GMEB2: variants seen among roughly 807,000 people sequenced by gnomAD.
GMEB2 encodes glucocorticoid modulatory element binding protein 2, also known as glucocorticoid modulatory element-binding protein 2.
GMEB2 carries 7 observed loss-of-function variants against 45.7 expected under a neutral mutation model. That is an observed-to-expected ratio of 0.15 (90% CI 0.09 to 0.29). The LOEUF is 0.29. Ranked by LOEUF, GMEB2 falls within the 10% of genes least tolerant of loss-of-function variation. The pLI, the probability that GMEB2 is intolerant of heterozygous loss-of-function variation, is 1.00. For synonymous variants in GMEB2, 322 were observed against 323.6 expected, an observed-to-expected ratio of 1.00 and a Z score of 0.05; for missense variants, 582 against 739.2, an observed-to-expected ratio of 0.79 and a Z score of 2.47.
intron 9 of GMEB2, 143 bp downstream of exon 9, chr20:63,591,879 G>A (rs953699079): frequency 1.6e-6 from 1 of 631,954 alleles, no homozygotes; most frequent in Non-Finnish European, 2.7e-6. Context: ...TGTTTTCCTC[G>A]CACAACAGCA....
chr20:63,596,038 C>CGTCAGAGTCTG (rs2083197821), intron 5 of GMEB2, among the ~76,000 whole-genome samples: 1 of 152,222 alleles, frequency 6.6e-6, no homozygotes, highest in African/African-American at 2.4e-5. Flanking sequence ...TGGAGGTGCC[C>CGTCAGAGTCTG]GTCAGAGTCT....
In GMEB2 at chr20:63,590,332, G is replaced by A. The variant is rs769649568; in HGVS notation, c.1350C>T (p.Asp450=). ...TGCTCAGGACCGTGAGGCTGGACGC[G>A]TCCGGGTGGATCTCCACTGTGCTGG... is the stretch of plus-strand genomic sequence containing the variant. ...TYPSTVEIHP[D]ASSLTVLSTA... The change falls in exon 10 of 10, where the codon GAC becomes GAT. Residue 450 remains aspartate, a synonymous_variant. Coordinates refer to ENST00000370077, the MANE Select transcript of GMEB2 (RefSeq NM_012384.5). 20 of 1,612,058 alleles carry A rather than the reference G, an allele frequency of 1.2e-5. No individual in the cohort carries two copies. The African/African-American group carries it at 1.5e-4, about 12-fold the overall frequency.
In GMEB2 at chr20:63,592,754, G is replaced by T; in HGVS notation, c.692-84C>A. The stretch of plus-strand genomic sequence containing the variant: ...CCACAGCCACAAGGACATCACCATA[G>T]CCACGAGGACACCATGCCAGAGCCG... On this transcript the variant is annotated intron_variant, in intron 7 of 9. Coordinates refer to ENST00000370077, the MANE Select transcript of GMEB2 (RefSeq NM_012384.5). This position sits in a 1 kb window ranked among gnomAD's most constrained non-coding sequence, Gnocchi z 8.2. 8.8e-7 allele frequency: 1 copy of T among 1,139,780 alleles called. No individual in the cohort carries two copies. The highest frequency in any genetic ancestry group is 1.7e-5 in the Admixed American group (1 of 58,256). 70.6% of individuals were successfully genotyped at this position (1,139,780 alleles called of 1,614,324 possible). A position where few individuals can be genotyped will look rare whatever the true frequency, so the allele number is the denominator to read the frequency against.
chr20:63,624,131 A>C (rs944265499), intron 1 of GMEB2, among the ~76,000 whole-genome samples: 2 of 123,100 alleles, frequency 1.6e-5, no homozygotes, highest in Non-Finnish European at 3.4e-5. Context: ...AAATTCAAAA[A>C]TTTGGCCAGG....
chr20:63,614,174 T>C (rs1425164136), intron 2 of GMEB2, among the ~76,000 whole-genome samples: 1 of 152,150 alleles, frequency 6.6e-6, no homozygotes, highest in East Asian at 1.9e-4. Context: ...ATATAGATCA[T>C]AAATATGATT....
intron 4 of GMEB2, among the ~76,000 whole-genome samples, chr20:63,602,658 C>T (rs2083250063): frequency 6.6e-6 from 1 of 152,172 alleles, no homozygotes; most frequent in Non-Finnish European, 1.5e-5. Flanking sequence ...AAGACCTTTC[C>T]CACTCATCCT....
At chr20:63,609,140 CCA>C (rs1162723504) in intron 2 of GMEB2, among the ~76,000 whole-genome samples, 2 of 47,240 alleles carry the variant, frequency 4.2e-5, no homozygotes. Context: ...CCCTCTGACC[CCA>C]CACATCCATT....
intron 5 of GMEB2, among the ~76,000 whole-genome samples, chr20:63,596,224 G>C (rs901641783): frequency 3.3e-5 from 5 of 152,256 alleles, no homozygotes; most frequent in African/African-American, 9.6e-5. Context: ...AGACAGCCAA[G>C]AAGAGTGATG....
chr20:63,598,968 TCTTTC>T (rs1431000947), intron 4 of GMEB2, among the ~76,000 whole-genome samples: 1 of 152,174 alleles, frequency 6.6e-6, no homozygotes, highest in Non-Finnish European at 1.5e-5. Context: ...TAGGCCTGCC[TCTTTC>T]CTTTCTTGCT....
intron 2 of GMEB2, among the ~76,000 whole-genome samples, chr20:63,611,855 G>A (rs2089573103): frequency 6.6e-6 from 1 of 152,148 alleles, no homozygotes; most frequent in South Asian, 2.1e-4. Context: ...CCATTAGCCA[G>A]GCGTGGTGGC....
chr20:63,596,400 A>G (rs2083201256), intron 5 of GMEB2, among the ~76,000 whole-genome samples: 1 of 152,206 alleles, frequency 6.6e-6, no homozygotes, highest in Admixed American at 6.5e-5. Flanking sequence ...GCCTGCCTCG[A>G]CCCATGAAAC....
intron 2 of GMEB2, among the ~76,000 whole-genome samples, chr20:63,614,588 C>T (rs935048012): frequency 8.3e-4 from 126 of 152,316 alleles, no homozygotes; most frequent in Admixed American, 1.4e-3. Context: ...GGCCTGACAT[C>T]AGTCAGGCCC....
intron 3 of GMEB2, among the ~76,000 whole-genome samples, chr20:63,604,167 A>G (rs2089499832): frequency 6.8e-6 from 1 of 147,804 alleles, no homozygotes; most frequent in Admixed American, 6.8e-5. Context: ...GGAGTTCGAG[A>G]CCAGCCTGGG....
At chr20:63,612,580 T>C (rs1039769711) in intron 2 of GMEB2, among the ~76,000 whole-genome samples, 1 of 152,212 alleles carries the variant, frequency 6.6e-6, no homozygotes, top group Non-Finnish European at 1.5e-5. Flanking sequence ...GAGGCAGTCT[T>C]AGCTCTGCCC....
chr20:63,618,848 G>A (rs1013769875), intron 2 of GMEB2, among the ~76,000 whole-genome samples: 12 of 152,328 alleles, frequency 7.9e-5, no homozygotes, highest in South Asian at 2.1e-4. Flanking sequence ...AAATGTTAGC[G>A]TTTTTGCCAA....
At chr20:63,617,228 G>A (rs746432281) in intron 2 of GMEB2, among the ~76,000 whole-genome samples, 16 of 152,048 alleles carry the variant, frequency 1.1e-4, no homozygotes, top group South Asian at 2.1e-4. Context: ...TGTCTCCCTC[G>A]GCCTCCTGCA....
At chr20:63,615,418 T>C (rs2089600988) in intron 2 of GMEB2, among the ~76,000 whole-genome samples, 1 of 151,984 alleles carries the variant, frequency 6.6e-6, no homozygotes, top group African/African-American at 2.4e-5. Context: ...TCAACCTCTC[T>C]CAGGCTCAAG....
At chr20:63,612,889 C>T (rs2089581209) in intron 2 of GMEB2, among the ~76,000 whole-genome samples, 1 of 152,186 alleles carries the variant, frequency 6.6e-6, no homozygotes, top group Non-Finnish European at 1.5e-5. Context: ...CACGAACCAA[C>T]CAACAGAATT....
chr20:63,624,513 C>G (rs1229044442), intron 1 of GMEB2, among the ~76,000 whole-genome samples: 1 of 152,120 alleles, frequency 6.6e-6, no homozygotes, highest in Non-Finnish European at 1.5e-5. Context: ...GGGTTTAACT[C>G]TCACTGAGGA....
Sources: gnomAD v4.1 joint callset for allele counts (sites outside exome capture counted in the v4.1 genomes callset) on GRCh38, gnomAD v4.1.1 for gene constraint, Gnocchi (gnomAD v3.1) non-coding constraint, MANE v1.5 for transcripts, NCBI Gene and HGNC (gene_info 2026-07-23, HGNC 2026-07-21) for gene names.